Variants in ZNF385D observed in about 807,000 individuals in gnomAD.
The protein encoded by ZNF385D is zinc finger protein 659.
Under a neutral mutation model 35.8 loss-of-function variants are expected in ZNF385D, and 15 were observed. The ratio of observed to expected loss-of-function variants is 0.42; its 90% CI spans 0.28 to 0.64. The LOEUF is 0.64. Ranked by LOEUF, ZNF385D falls within the 30% of genes least tolerant of loss-of-function variation. The probability of loss-of-function intolerance (pLI) is 0.23; values close to 1 mark genes in which losing one functional copy is unlikely to be tolerated. For synonymous variants in ZNF385D, 212 were observed against 186.8 expected (o/e 1.13, Z -1.10); for missense variants, 474 against 494.6 (o/e 0.96, Z 0.39).
intron 3 of ZNF385D, among the ~76,000 whole-genome samples, chr3:22,084,567 G>A (rs1242412637): frequency 6.6e-6 from 1 of 152,168 alleles, no homozygotes; most frequent in East Asian, 1.9e-4. Flanking sequence ...GGAGCACCCA[G>A]ATTCATAAAA....
At chr3:22,338,976 C>T (rs186671934) in intron 2 of ZNF385D, among the ~76,000 whole-genome samples, 3 of 152,120 alleles carry the variant, frequency 2.0e-5, no homozygotes, top group African/African-American at 7.2e-5. Flanking sequence ...GTTAGGATTA[C>T]AGGTGTGAGC....
intron 3 of ZNF385D, among the ~76,000 whole-genome samples, chr3:22,038,995 T>G (rs923350519): frequency 6.6e-6 from 1 of 151,404 alleles, no homozygotes; most frequent in Non-Finnish European, 1.5e-5. Context: ...TAATTTTATC[T>G]TTCATTTTAA....
At chr3:21,602,677 C>T (rs567222070) in intron 2 of ZNF385D, among the ~76,000 whole-genome samples, 6 of 150,116 alleles carry the variant, frequency 4.0e-5, no homozygotes, top group South Asian at 2.1e-4. Flanking sequence ...GGACTACAGG[C>T]GCCCGCCACC....
chr3:21,608,023 G>GTTTTT (rs572518584), intron 2 of ZNF385D, among the ~76,000 whole-genome samples: 1 of 120,220 alleles, frequency 8.3e-6, no homozygotes, highest in African/African-American at 3.2e-5. Context: ...TTTTTTTTTT[G>GTTTTT]TTTTTTTTTT....
In ZNF385D at chr3:22,013,541, G is replaced by A. The variant is rs1048035073; in HGVS notation, c.325+155276C>T. On this transcript the variant is annotated intron_variant, in intron 3 of 5. Transcript: ENST00000494108. The stretch of plus-strand genomic sequence containing the variant: ...GTCTCCAAATAAAGATTTGAAAATA[G>A]TAAAATTTCTCAATGGAACTTCAAG... 5.9e-5 allele frequency among the ~76,000 whole-genome samples: 9 copies of A among 152,226 alleles called. 1 individual carries two copies. The highest frequency in any genetic ancestry group is 5.9e-4 in the Admixed American group (9 of 15,284).
chr3:21,446,924 G>A (rs970830688), intron 4 of ZNF385D, among the ~76,000 whole-genome samples: 22 of 152,004 alleles, frequency 1.4e-4, no homozygotes, highest in African/African-American at 4.3e-4. Context: ...AGTTAAACCA[G>A]GGTTTCTTTT....
chr3:22,227,293 G>A (rs575257849), intron 2 of ZNF385D, among the ~76,000 whole-genome samples: 2 of 151,946 alleles, frequency 1.3e-5, no homozygotes, highest in African/African-American at 4.8e-5. Context: ...TCATAAGCAG[G>A]CCTCAGAAAA....
Position 22,219,028 on chromosome 3 carries a change from T to C in ZNF385D, c.107-49993A>G, listed in dbSNP as rs750235100. Among the ~76,000 whole-genome samples, 39 of 152,280 alleles carry C rather than the reference T, an allele frequency of 2.6e-4. 1 individual carries two copies. The highest frequency in any genetic ancestry group is 6.0e-4 in the African/African-American group (25 of 41,574). On this transcript the variant is annotated intron_variant, in intron 2 of 5. Transcript: ENST00000494108. ...ATTCCTCTTTTTATGGGCATTTCAATTGACCATTCTCAAAGCTTAAACTAC... is the reference window on the plus strand; with the variant it reads ...ATTCCTCTTTTTATGGGCATTTCAACTGACCATTCTCAAAGCTTAAACTAC...
At chr3:21,701,560 A>C (rs1417989045) in intron 1 of ZNF385D, among the ~76,000 whole-genome samples, 1 of 152,066 alleles carries the variant, frequency 6.6e-6, no homozygotes, top group African/African-American at 2.4e-5. Flanking sequence ...TTCGAAACCA[A>C]TCATGCCTTC....
At chr3:21,696,566 T>A (rs940129372) in intron 1 of ZNF385D, among the ~76,000 whole-genome samples, 3 of 152,214 alleles carry the variant, frequency 2.0e-5, no homozygotes, top group Non-Finnish European at 4.4e-5. Flanking sequence ...CATTTCCCTC[T>A]TACACCATTT....
At chr3:22,078,721 A>G (rs753582774) in intron 3 of ZNF385D, among the ~76,000 whole-genome samples, 17 of 152,082 alleles carry the variant, frequency 1.1e-4, no homozygotes, top group Non-Finnish European at 2.2e-4. Flanking sequence ...AATCTGTATC[A>G]TAAGTATTGG....
At chr3:21,769,921 G>A (rs1028218896) in intron 3 of ZNF385D, among the ~76,000 whole-genome samples, 5 of 152,012 alleles carry the variant, frequency 3.3e-5, no homozygotes, top group African/African-American at 1.2e-4. Context: ...AGAGCCCTCA[G>A]AAATAATACC....
At position 21,517,601 on chromosome 3, in the gene ZNF385D, A is replaced by G. The variant is rs73133096; in HGVS notation, c.277-6578T>C. 3.8e-3 allele frequency among the ~76,000 whole-genome samples: 579 copies of G among 152,284 alleles called. 3 individuals carry two copies. Among genetic ancestry groups the G allele is most frequent in the African/African-American group, 0.013 (560 of 41,554 alleles). ...AAAGGATTTAATTGGCCCTTGAGTC[A>G]CTGTGAAACCTCCCCACCTCCAATC... is the stretch of plus-strand genomic sequence containing the variant. On this transcript the variant is annotated intron_variant, in intron 3 of 7. Transcript: ENST00000281523.
chr3:22,163,587 C>A (rs1036733026), intron 3 of ZNF385D, among the ~76,000 whole-genome samples: 1 of 152,112 alleles, frequency 6.6e-6, no homozygotes, highest in Non-Finnish European at 1.5e-5. Context: ...TATAATCACA[C>A]AATATTCAAA....
chr3:22,186,187 A>G (rs1695618523), intron 2 of ZNF385D, among the ~76,000 whole-genome samples: 1 of 152,314 alleles, frequency 6.6e-6, no homozygotes, highest in African/African-American at 2.4e-5. Flanking sequence ...CTTCAAAATA[A>G]GAAAGGTCTC....
At chr3:21,793,931 T>C (rs1389434294) in intron 3 of ZNF385D, among the ~76,000 whole-genome samples, 1 of 152,222 alleles carries the variant, frequency 6.6e-6, no homozygotes, top group Non-Finnish European at 1.5e-5. Flanking sequence ...AGTATCTATT[T>C]TTCTGTAATA....
At chr3:21,906,011 T>A (rs1252674748) in intron 3 of ZNF385D, among the ~76,000 whole-genome samples, 3 of 152,128 alleles carry the variant, frequency 2.0e-5, no homozygotes, top group Non-Finnish European at 2.9e-5. Flanking sequence ...TGGGTTCAAG[T>A]CCCATAAAAA....
intron 3 of ZNF385D, among the ~76,000 whole-genome samples, chr3:22,074,635 A>G (rs1398813938): frequency 6.6e-6 from 1 of 151,922 alleles, no homozygotes; most frequent in Non-Finnish European, 1.5e-5. Context: ...CCACAATATA[A>G]GAAAAAACCT....
chr3:21,593,063 A>C (rs2064027604), intron 2 of ZNF385D, among the ~76,000 whole-genome samples: 1 of 152,112 alleles, frequency 6.6e-6, no homozygotes, highest in African/African-American at 2.4e-5. Context: ...GCCACCCGGG[A>C]ATAATAGCTT....
Sources: allele counts gnomAD v4.1 joint callset (sites outside exome capture counted in the v4.1 genomes callset), GRCh38; gene constraint gnomAD v4.1.1; transcripts MANE v1.5; gene names NCBI Gene and HGNC (gene_info 2026-07-23, HGNC 2026-07-21).